BRWD3: variants seen among roughly 807,000 people sequenced by gnomAD.
BRWD3 encodes the protein bromodomain and WD repeat domain containing 3.
A neutral mutation model predicts 149.7 loss-of-function variants in BRWD3; 10 were observed. The ratio of observed to expected loss-of-function variants is 0.07; its 90% CI spans 0.04 to 0.11. BRWD3 has a LOEUF of 0.11. Ranked by LOEUF, BRWD3 falls within the 10% of genes least tolerant of loss-of-function variation. The probability of loss-of-function intolerance (pLI) is 1.00; values close to 1 mark genes in which losing one functional copy is unlikely to be tolerated. For synonymous variants in BRWD3, 504 were observed against 456.7 expected (o/e 1.10, Z -1.32); for missense variants, 940 against 1,373.2 (o/e 0.68, Z 4.99).
chrX:80,794,844 T>C (rs1379864045), intron 4 of BRWD3, among the ~76,000 whole-genome samples: 1 of 111,341 alleles, frequency 9.0e-6, no homozygotes, highest in Non-Finnish European at 1.9e-5. Flanking sequence ...CTTGATTCAT[T>C]CAGTAGTGAC....
intron 37 of BRWD3, among the ~76,000 whole-genome samples, chrX:80,682,901 C>T (rs895576970): frequency 1.2e-4 from 13 of 111,856 alleles, no homozygotes; most frequent in African/African-American, 3.9e-4. Flanking sequence ...GGACAATATG[C>T]AGTCTGTACA....
chrX:80,694,532 G>T (rs2072654430), intron 27 of BRWD3, among the ~76,000 whole-genome samples: 1 of 111,101 alleles, frequency 9.0e-6, no homozygotes. Context: ...TGTGAAAGCA[G>T]CTGGGAAAGG....
intron 4 of BRWD3, among the ~76,000 whole-genome samples, chrX:80,798,051 C>A (rs1234452704): frequency 9.0e-6 from 1 of 110,851 alleles, no homozygotes; most frequent in Non-Finnish European, 1.9e-5. Flanking sequence ...GCCGAGATCA[C>A]GCCACTGCAC....
intron 10 of BRWD3, 49 bp downstream of exon 10, chrX:80,735,078 G>A (rs955172766): frequency 1.3e-5 from 13 of 1,031,463 alleles, no homozygotes; most frequent in African/African-American, 1.9e-5. Context: ...TTTCACAACT[G>A]GATCGTTAAA....
At chrX:80,744,723 T>C (rs893173944) in intron 7 of BRWD3, among the ~76,000 whole-genome samples, 1 of 112,079 alleles carries the variant, frequency 8.9e-6, no homozygotes, top group Non-Finnish European at 1.9e-5. Flanking sequence ...CTTTTGAGAA[T>C]TTCAGAAGAG....
chrX:80,750,893 C>CATACACAT (rs1555977578), intron 6 of BRWD3, among the ~76,000 whole-genome samples: 1 of 107,099 alleles, frequency 9.3e-6, no homozygotes, highest in African/African-American at 3.4e-5. Context: ...CACACACACA[C>CATACACAT]GCAAAAATCA....
chrX:80,673,789 A>C lies in BRWD3; in HGVS notation c.*2820T>G, dbSNP rs2072341633. On this transcript the variant is annotated 3_prime_UTR_variant, in exon 41 of 41. Coordinates refer to ENST00000373275, the MANE Select transcript of BRWD3 (RefSeq NM_153252.5). ...ATATGCTCTCACGGGCCTAAATATA[A>C]CAGTGTTTTTTCTTAGCAATTTAAG... 1 of 111,795 alleles carries C rather than the reference A, an allele frequency of 8.9e-6. No homozygotes were observed. The highest frequency in any genetic ancestry group is 3.2e-5 in the African/African-American group (1 of 30,820). The allele number at this position is 111,795 out of a possible 1,213,427, so 9.2% of individuals were successfully genotyped here.
At chrX:80,731,112 T>A (rs776774368) in intron 12 of BRWD3, among the ~76,000 whole-genome samples, 15 of 111,795 alleles carry the variant, frequency 1.3e-4, no homozygotes, top group Non-Finnish European at 2.4e-4. Flanking sequence ...CCTGAAAAGT[T>A]TTTTTAATAA....
At chrX:80,691,025 TATA>T in intron 31 of BRWD3, 25 bp downstream of exon 31, 7 of 1,199,754 alleles carry the variant, frequency 5.8e-6, no homozygotes, top group Non-Finnish European at 7.9e-6. Context: ...CTATAAATTT[TATA>T]ATAAGTGATT....
At chrX:80,688,892 C>T (rs2072571803) in intron 33 of BRWD3, among the ~76,000 whole-genome samples, 1 of 109,767 alleles carries the variant, frequency 9.1e-6, no homozygotes, top group Admixed American at 9.8e-5. Flanking sequence ...TTTTAAGAAA[C>T]TATAATAATA....
rs1213782585 is a variant in BRWD3, at chrX:80,669,527, T to G, written c.*7082A>C. Among the ~76,000 whole-genome samples, 1 of 111,825 alleles carries G rather than the reference T, an allele frequency of 8.9e-6. No individual in the cohort carries two copies. The highest frequency in any genetic ancestry group is 2.8e-4 in the East Asian group (1 of 3,585). On this transcript the variant is annotated 3_prime_UTR_variant, in exon 41 of 41. Transcript: ENST00000373275. The stretch of plus-strand genomic sequence containing the variant: ...CTTCATTATTAATATTTTAGATGAA[T>G]AATACTCAAGGGTAACAAAACAGTA...
At chrX:80,677,439 T>C (rs1408954105) in intron 40 of BRWD3, 76 bp from the exon 41 acceptor site, 1 of 1,119,657 alleles carries the variant, frequency 8.9e-7, no homozygotes, top group East Asian at 3.1e-5. Flanking sequence ...AAAAACAGTC[T>C]ACAGTTCCCA....
At chrX:80,753,776 G>A (rs1168349058) in intron 6 of BRWD3, among the ~76,000 whole-genome samples, 1 of 111,596 alleles carries the variant, frequency 9.0e-6, no homozygotes, top group Non-Finnish European at 1.9e-5. Flanking sequence ...TATAGTAGAG[G>A]GTGTCCTTTT....
chrX:80,697,566 C>T (rs1436181912), intron 25 of BRWD3, among the ~76,000 whole-genome samples: 4 of 111,263 alleles, frequency 3.6e-5, no homozygotes, highest in African/African-American at 9.8e-5. Flanking sequence ...TAAGAGAGGG[C>T]GTGTGGTATT....
In BRWD3 at chrX:80,726,331, T is replaced by A. The variant is rs191512170; in HGVS notation, c.1387-1264A>T. On this transcript the variant is annotated intron_variant, in intron 14 of 40. Coordinates refer to ENST00000373275, the MANE Select transcript of BRWD3 (RefSeq NM_153252.5). ...TTATGTCTGTATAACATATAACATG[T>A]TTACATGTTATGTCTGTATAACATA... 4.0e-3 allele frequency among the ~76,000 whole-genome samples: 399 copies of A among 99,887 alleles called. 8 individuals are homozygous for A. Among genetic ancestry groups the A allele is most frequent in the African/African-American group, 0.014 (384 of 27,085 alleles). 86.7% of individuals were successfully genotyped at this position (99,887 alleles called of 115,157 possible). A position where few individuals can be genotyped will look rare whatever the true frequency, so the allele number is the denominator to read the frequency against.
intron 4 of BRWD3, among the ~76,000 whole-genome samples, chrX:80,797,310 T>C (rs1442927570): frequency 1.8e-5 from 2 of 111,520 alleles, no homozygotes; most frequent in African/African-American, 3.3e-5. Context: ...TTACATAGAG[T>C]AGTAGTTGAC....
chrX:80,704,004 C>A lies in BRWD3; in HGVS notation c.2722-411G>T, dbSNP rs188304765. Among the ~76,000 whole-genome samples the A allele has an allele frequency of 5.4e-5, 6 of 111,921 alleles. No individual in the cohort carries two copies. The East Asian group carries it at 1.4e-3, about 26-fold the overall frequency. ...GTTAAAATTAAAATAACTACATACACCAAGTCTTTAAATCATTTAAATGAA... is the reference window on the plus strand; with the variant it reads ...GTTAAAATTAAAATAACTACATACAACAAGTCTTTAAATCATTTAAATGAA... On this transcript the variant is annotated intron_variant, in intron 23 of 40. Transcript: ENST00000373275.
chrX:80,783,683 A>G (rs757324245), intron 6 of BRWD3, among the ~76,000 whole-genome samples: 1 of 111,526 alleles, frequency 9.0e-6, no homozygotes, highest in Admixed American at 9.6e-5. Flanking sequence ...AGTATCCAAC[A>G]CCAGACAACT....
chrX:80,673,496 A>G lies in BRWD3; in HGVS notation c.*3113T>C, dbSNP rs182653150. 117 of 111,230 alleles carry G rather than the reference A, an allele frequency of 1.1e-3. No individual in the cohort carries two copies. The highest frequency in any genetic ancestry group is 3.7e-3 in the African/African-American group (113 of 30,640). 9.2% of individuals were successfully genotyped at this position (111,230 alleles called of 1,213,427 possible). ...GAGATAAGGTGTGTCAAGTTGGGGA[A>G]AAAACTTTACACACATACAAGTGCA... On this transcript the variant is annotated 3_prime_UTR_variant, in exon 41 of 41. Transcript: ENST00000373275.
Sources: allele counts gnomAD v4.1 joint callset (sites outside exome capture counted in the v4.1 genomes callset), GRCh38; gene constraint gnomAD v4.1.1; transcripts MANE v1.5; gene names NCBI Gene and HGNC (gene_info 2026-07-23, HGNC 2026-07-21).